UNC80: variants seen among roughly 807,000 people sequenced by gnomAD.
UNC80 encodes the protein unc-80 subunit of NALCN channel complex.
UNC80 carries 164 observed loss-of-function variants against 384.6 expected under a neutral mutation model. That is an observed-to-expected ratio of 0.43 (90% CI 0.38 to 0.49). The LOEUF (loss-of-function observed/expected upper bound fraction) is 0.49, where lower values mean the gene tolerates loss of function less well. UNC80 is among the 20% of genes least tolerant of loss of function. The pLI is 0.00. For missense variants in UNC80, 3,330 were observed against 4,143.0 expected, an observed-to-expected ratio of 0.80 and a Z score of 5.39; for synonymous variants, 1,486 against 1,527.8, an observed-to-expected ratio of 0.97 and a Z score of 0.64.
At chr2:209,884,918 G>T (rs1162635948) in intron 25 of UNC80, among the ~76,000 whole-genome samples, 1 of 152,098 alleles carries the variant, frequency 6.6e-6, no homozygotes, top group Non-Finnish European at 1.5e-5. Flanking sequence ...GGGGTTGGGA[G>T]AGCATCGGGA....
rs769178932 is a variant in UNC80 at position 209,776,106 on chromosome 2, A to C, written c.298+61A>C. The C allele has an allele frequency of 3.1e-6, 5 of 1,604,126 alleles. No homozygotes were observed. The Admixed American group carries it at 5.0e-5, about 16-fold the overall frequency. ...TTGCCCTTTGTGTTCAACACTCATC[A>C]TAATAACCTGTACTGAGTAGTTTCT... On this transcript the variant is annotated intron_variant, in intron 3 of 64. Coordinates refer to ENST00000673920, the MANE Select transcript of UNC80 (RefSeq NM_001371986.1).
At chr2:209,890,630 A>C (rs1489978913) in intron 26 of UNC80, among the ~76,000 whole-genome samples, 2 of 152,224 alleles carry the variant, frequency 1.3e-5, no homozygotes, top group Admixed American at 1.3e-4. Flanking sequence ...GATATATAGT[A>C]ACTCACTATG....
intron 60 of UNC80, 71 bp from the exon 61 acceptor site, chr2:209,984,785 C>A (rs191990230): frequency 7.8e-6 from 11 of 1,402,494 alleles, no homozygotes; most frequent in Admixed American, 2.6e-5. Flanking sequence ...AAATTGCATG[C>A]CTTTTTTCTT....
intron 25 of UNC80, among the ~76,000 whole-genome samples, chr2:209,881,784 T>C (rs2085315108): frequency 6.6e-6 from 1 of 151,862 alleles, no homozygotes; most frequent in African/African-American, 2.4e-5. Context: ...CACCTTGGAG[T>C]CAATTTTCCT....
At chr2:209,782,955 G>A (rs1447038013) in intron 4 of UNC80, among the ~76,000 whole-genome samples, 1 of 150,992 alleles carries the variant, frequency 6.6e-6, no homozygotes, top group African/African-American at 2.4e-5. Flanking sequence ...CTGTATGCTA[G>A]CTACTGTTCA....
intron 51 of UNC80, among the ~76,000 whole-genome samples, chr2:209,960,409 A>G (rs1290094470): frequency 6.6e-6 from 1 of 152,244 alleles, no homozygotes; most frequent in Non-Finnish European, 1.5e-5. Context: ...TTGTGTTTCA[A>G]AAGGAACGTG....
intron 27 of UNC80, 38 bp from the exon 28 acceptor site, chr2:209,896,275 C>G (rs779198749): frequency 6.5e-7 from 1 of 1,528,516 alleles, no homozygotes; most frequent in South Asian, 1.2e-5. Flanking sequence ...CCAGGGAGAC[C>G]GAACACTGAA....
intron 51 of UNC80, among the ~76,000 whole-genome samples, chr2:209,963,931 G>A (rs776175083): frequency 6.6e-5 from 10 of 152,172 alleles, no homozygotes; most frequent in Non-Finnish European, 1.5e-4. Context: ...TCACAGTGTG[G>A]ACCTCCAAAG....
intron 13 of UNC80, among the ~76,000 whole-genome samples, chr2:209,822,288 G>T (rs530053623): frequency 6.6e-6 from 1 of 152,278 alleles, no homozygotes; most frequent in South Asian, 2.1e-4. Context: ...ACAATGCAAG[G>T]AACTTCAGAT....
At chr2:209,946,336 C>T (rs986930942) in intron 47 of UNC80, among the ~76,000 whole-genome samples, 3 of 149,670 alleles carry the variant, frequency 2.0e-5, no homozygotes, top group African/African-American at 4.9e-5. Flanking sequence ...TCCCATTGCA[C>T]TCTGGCCTAG....
At chr2:209,833,276 CAAAAAAAA>C (rs554565630) in intron 16 of UNC80, among the ~76,000 whole-genome samples, 83 of 97,342 alleles carry the variant, frequency 8.5e-4, no homozygotes, top group Non-Finnish European at 1.6e-3. Context: ...TTTCCTAAGG[CAAAAAAAA>C]AAAAAAAAAA....
At chr2:209,865,324 C>T (rs2083652799) in intron 22 of UNC80, among the ~76,000 whole-genome samples, 1 of 152,034 alleles carries the variant, frequency 6.6e-6, no homozygotes, top group African/African-American at 2.4e-5. Flanking sequence ...GGGTTTCGGC[C>T]GGTCGCGATG....
At chr2:209,821,055 CA>C (rs1188820738) in intron 13 of UNC80, among the ~76,000 whole-genome samples, 1 of 151,516 alleles carries the variant, frequency 6.6e-6, no homozygotes, top group Non-Finnish European at 1.5e-5. Context: ...GCTGCCATAA[CA>C]AAATACCATA....
chr2:209,844,463 C>CT (rs1236583314), intron 21 of UNC80, among the ~76,000 whole-genome samples: 1 of 53,080 alleles, frequency 1.9e-5, no homozygotes. Flanking sequence ...TTCTTTCTTT[C>CT]TTTCTTTCTT....
chr2:209,930,717 A>G (rs1464787392), intron 37 of UNC80, among the ~76,000 whole-genome samples: 1 of 152,184 alleles, frequency 6.6e-6, no homozygotes, highest in African/African-American at 2.4e-5. Flanking sequence ...TGTCAATTTA[A>G]AAAGAACAAA....
intron 7 of UNC80, 57 bp downstream of exon 7, chr2:209,793,916 T>C (rs1001613921): frequency 1.9e-6 from 3 of 1,602,290 alleles, no homozygotes; most frequent in East Asian, 2.2e-5. Flanking sequence ...AAATCAAATA[T>C]GCATTTTTAA....
At chr2:209,810,463 T>C (rs1044574182) in intron 7 of UNC80, among the ~76,000 whole-genome samples, 1 of 152,196 alleles carries the variant, frequency 6.6e-6, no homozygotes, top group Non-Finnish European at 1.5e-5. Flanking sequence ...GAGAATGTTG[T>C]TTAAAATAAA....
intron 51 of UNC80, among the ~76,000 whole-genome samples, chr2:209,960,163 C>G (rs991840783): frequency 3.9e-5 from 6 of 152,210 alleles, no homozygotes; most frequent in African/African-American, 1.2e-4. Flanking sequence ...GGGAAGTAAG[C>G]AGTTTTAACT....
At chr2:209,957,098 C>T (rs1282240835) in intron 48 of UNC80, among the ~76,000 whole-genome samples, 4 of 152,190 alleles carry the variant, frequency 2.6e-5, no homozygotes, top group Non-Finnish European at 4.4e-5. Context: ...AAATCTATTA[C>T]TAACGATCTA....
Sources: allele counts gnomAD v4.1 joint callset (sites outside exome capture counted in the v4.1 genomes callset), GRCh38; gene constraint gnomAD v4.1.1; transcripts MANE v1.5; gene names NCBI Gene and HGNC (gene_info 2026-07-23, HGNC 2026-07-21).